GRID1: variants seen among roughly 807,000 people sequenced by gnomAD.
GRID1 encodes the protein glutamate ionotropic receptor delta type subunit 1.
A neutral mutation model predicts 98.0 loss-of-function variants in GRID1; 28 were observed. That is an observed-to-expected ratio of 0.29 (90% CI 0.21 to 0.39). The LOEUF (loss-of-function observed/expected upper bound fraction) is 0.39. Ranked by LOEUF, GRID1 falls within the 10% of genes least tolerant of loss-of-function variation. The pLI is 1.00. For synonymous variants in GRID1, 553 were observed against 538.5 expected, an observed-to-expected ratio of 1.03 and a Z score of -0.37; for missense variants, 1,111 against 1,340.5, an observed-to-expected ratio of 0.83 and a Z score of 2.67.
chr10:85,733,679 A>G (rs934713998), intron 8 of GRID1, among the ~76,000 whole-genome samples: 1 of 152,232 alleles, frequency 6.6e-6, no homozygotes, highest in Admixed American at 6.5e-5. Context: ...TTCCTTGCCT[A>G]CAAATTGAGG....
At chr10:85,878,092 C>A (rs1013556404) in intron 5 of GRID1, among the ~76,000 whole-genome samples, 19 of 152,172 alleles carry the variant, frequency 1.2e-4, no homozygotes, top group Admixed American at 6.5e-4. Context: ...AAGAAAGGAA[C>A]AAAACCTCCA....
chr10:85,871,004 A>T (rs1396061137), intron 5 of GRID1, among the ~76,000 whole-genome samples: 1 of 152,092 alleles, frequency 6.6e-6, no homozygotes, highest in Non-Finnish European at 1.5e-5. Flanking sequence ...GAGAGCAGAG[A>T]AGAGAGCACC....
rs1385087150 is a variant in GRID1, at chr10:85,660,376, C to T, written c.1998-12979G>A. Among the ~76,000 whole-genome samples the T allele has an allele frequency of 2.0e-5, 3 of 152,194 alleles. No homozygotes were observed. The South Asian group carries it at 6.2e-4, about 32-fold the overall frequency. On this transcript the variant is annotated intron_variant, in intron 12 of 15. Coordinates refer to ENST00000327946, the MANE Select transcript of GRID1 (RefSeq NM_017551.3). ...TGTTTGTCCAATGGGAGCAAAACATCCCGCTACAGAACACCAGATACACCA... is the reference window on the plus strand; with the variant it reads ...TGTTTGTCCAATGGGAGCAAAACATTCCGCTACAGAACACCAGATACACCA...
chr10:85,670,659 C>A (rs1016356040), intron 12 of GRID1, among the ~76,000 whole-genome samples: 1 of 152,092 alleles, frequency 6.6e-6, no homozygotes. Context: ...ATCTCCTGCT[C>A]GTGGCCAACT....
At chr10:85,724,110 A>T (rs1026452803) in intron 11 of GRID1, among the ~76,000 whole-genome samples, 2 of 152,196 alleles carry the variant, frequency 1.3e-5, no homozygotes, top group Non-Finnish European at 2.9e-5. Context: ...AGGACTCCAA[A>T]GTTAATTTTA....
intron 6 of GRID1, among the ~76,000 whole-genome samples, chr10:85,865,492 A>G (rs1843206180): frequency 6.6e-6 from 1 of 152,146 alleles, no homozygotes; most frequent in Non-Finnish European, 1.5e-5. Context: ...CTAAACCAGA[A>G]TGATCTTCCC....
At chr10:85,797,340 G>T (rs1027487778) in intron 8 of GRID1, among the ~76,000 whole-genome samples, 1 of 152,010 alleles carries the variant, frequency 6.6e-6, no homozygotes, top group African/African-American at 2.4e-5. Flanking sequence ...ACAATTGTTG[G>T]TTTTTCAATT....
At chr10:86,003,408 A>C (rs1387126201) in intron 4 of GRID1, among the ~76,000 whole-genome samples, 1 of 152,238 alleles carries the variant, frequency 6.6e-6, no homozygotes. Flanking sequence ...TCTTATTCAA[A>C]AACAAGAAGT....
chr10:85,967,663 G>C (rs1391608447), intron 4 of GRID1, among the ~76,000 whole-genome samples: 1 of 152,152 alleles, frequency 6.6e-6, no homozygotes, highest in East Asian at 1.9e-4. Context: ...TATTTTTAAA[G>C]AACTAAATGA....
chr10:85,738,285 C>T (rs1447917356), intron 8 of GRID1, among the ~76,000 whole-genome samples: 2 of 152,116 alleles, frequency 1.3e-5, no homozygotes, highest in Non-Finnish European at 2.9e-5. Flanking sequence ...TGAAAACATA[C>T]ATGCTCCATA....
At chr10:85,854,735 G>T (rs1843092794) in intron 7 of GRID1, 120 bp from the exon 8 acceptor site, 1 of 940,608 alleles carries the variant, frequency 1.1e-6, no homozygotes, top group Non-Finnish European at 1.7e-6. Context: ...TGAGACCATG[G>T]ACAGGCTGTA....
intron 6 of GRID1, among the ~76,000 whole-genome samples, chr10:85,867,029 T>C (rs768605588): frequency 2.0e-5 from 3 of 152,188 alleles, no homozygotes; most frequent in African/African-American, 4.8e-5. Context: ...CTCCTCTCCA[T>C]GGGCACGTGT....
In GRID1 at chr10:85,981,638, C is replaced by T. The variant is rs144619109; in HGVS notation, c.727-65399G>A. On this transcript the variant is annotated intron_variant, in intron 4 of 15. Coordinates refer to ENST00000327946, the MANE Select transcript of GRID1 (RefSeq NM_017551.3). ...AAAACTTTGTCTAAAGCTTCCCTTTCCTTCACCATTGCTCTCCGTCTTTCC... is the reference window on the plus strand; with the variant it reads ...AAAACTTTGTCTAAAGCTTCCCTTTTCTTCACCATTGCTCTCCGTCTTTCC... Among the ~76,000 whole-genome samples, 11 of 152,298 alleles carry T rather than the reference C, an allele frequency of 7.2e-5. 1 individual carries two copies. Among genetic ancestry groups the T allele is most frequent in the African/African-American group, 2.2e-4 (9 of 41,568 alleles).
At chr10:86,254,350 A>G (rs1449628811) in intron 2 of GRID1, among the ~76,000 whole-genome samples, 2 of 152,170 alleles carry the variant, frequency 1.3e-5, no homozygotes, top group Non-Finnish European at 2.9e-5. Flanking sequence ...GAGGTTCTCA[A>G]AGTGGGGTCC....
chr10:86,300,774 G>A (rs898870266), intron 2 of GRID1, among the ~76,000 whole-genome samples: 5 of 151,938 alleles, frequency 3.3e-5, no homozygotes, highest in African/African-American at 4.8e-5. Context: ...GCATTTCCCC[G>A]GGCTCCAGTC....
At chr10:85,909,455 T>C (rs1364872008) in intron 5 of GRID1, among the ~76,000 whole-genome samples, 2 of 152,206 alleles carry the variant, frequency 1.3e-5, no homozygotes, top group East Asian at 1.9e-4. Flanking sequence ...TAAATGTTCA[T>C]AGTAGCTTTA....
intron 2 of GRID1, among the ~76,000 whole-genome samples, chr10:86,313,664 C>G (rs1198680980): frequency 6.6e-6 from 1 of 152,196 alleles, no homozygotes; most frequent in African/African-American, 2.4e-5. Flanking sequence ...TCACCAAACC[C>G]TCTTCCAATC....
At chr10:86,286,157 G>C (rs1003617289) in intron 2 of GRID1, among the ~76,000 whole-genome samples, 3 of 152,174 alleles carry the variant, frequency 2.0e-5, no homozygotes, top group African/African-American at 7.2e-5. Flanking sequence ...GAGAGGTATA[G>C]ATGAGGCATA....
chr10:85,693,455 A>G (rs940428848), intron 12 of GRID1, among the ~76,000 whole-genome samples: 3 of 152,208 alleles, frequency 2.0e-5, no homozygotes, highest in African/African-American at 7.2e-5. Flanking sequence ...TAAGTAAACT[A>G]AGACCTTAAG....
Sources: allele counts gnomAD v4.1 joint callset (sites outside exome capture counted in the v4.1 genomes callset), GRCh38; gene constraint gnomAD v4.1.1; transcripts MANE v1.5; gene names NCBI Gene and HGNC (gene_info 2026-07-23, HGNC 2026-07-21).